The following HECW1 variants were observed in gnomAD, a reference collection of about 807,000 sequenced individuals.
HECW1 encodes the protein E3 ubiquitin-protein ligase HECW1.
A neutral mutation model predicts 182.3 loss-of-function variants in HECW1; 61 were observed. The ratio of observed to expected loss-of-function variants is 0.33; its 90% confidence interval spans 0.27 to 0.41. HECW1 has a LOEUF of 0.41. HECW1 is among the 10% of genes least tolerant of loss of function. HECW1 has a pLI of 1.00. For synonymous variants in HECW1, 859 were observed against 832.6 expected (o/e 1.03, Z -0.55); for missense variants, 1,739 against 2,108.9 (o/e 0.82, Z 3.44).
chr7:43,293,900 C>T (rs761099011), intron 3 of HECW1, among the ~76,000 whole-genome samples: 2 of 151,998 alleles, frequency 1.3e-5, no homozygotes, highest in Non-Finnish European at 2.9e-5. Flanking sequence ...AGACAAGCAG[C>T]GACATTAGAT....
In HECW1 at chr7:43,509,067, C is replaced by G; in HGVS notation, c.3965C>G (p.Thr1322Ser). ...YGLFEYSAND[T>S]YTVQISPMSA... ...CTCTTTGAGTACTCGGCAAATGATA[C>G]TTACACGGTGCAGATCAGCCCCATG... Residue 1322 changes from threonine to serine, a missense_variant, in exon 24 of 30, where the codon ACT becomes AGT. Coordinates refer to ENST00000395891, the MANE Select transcript of HECW1 (RefSeq NM_015052.5). The G allele has an allele frequency of 2.5e-6, 4 of 1,614,196 alleles. No individual in the cohort carries two copies. The highest frequency in any genetic ancestry group is 3.4e-6 in the Non-Finnish European group (4 of 1,180,004).
intron 2 of HECW1, among the ~76,000 whole-genome samples, chr7:43,144,563 A>C (rs899808197): frequency 6.6e-6 from 1 of 152,060 alleles, no homozygotes; most frequent in African/African-American, 2.4e-5. Flanking sequence ...TTTTTTTATT[A>C]TTTCAATTAT....
intron 6 of HECW1, among the ~76,000 whole-genome samples, chr7:43,368,457 T>G (rs1391542116): frequency 6.6e-6 from 1 of 152,258 alleles, no homozygotes; most frequent in African/African-American, 2.4e-5. Flanking sequence ...TTGATCAGAC[T>G]AATTTCAGGT....
intron 2 of HECW1, among the ~76,000 whole-genome samples, chr7:43,185,152 G>T (rs1029078894): frequency 1.3e-5 from 2 of 152,054 alleles, no homozygotes; most frequent in Non-Finnish European, 2.9e-5. Flanking sequence ...GACAGGGATG[G>T]TGGGGGGGAA....
intron 5 of HECW1, among the ~76,000 whole-genome samples, chr7:43,336,112 TTCTTTCTTTCTTTCTCTCTCTCTCTCTC>T (rs1467939109): frequency 5.8e-4 from 64 of 111,186 alleles, no homozygotes; most frequent in African/African-American, 2.4e-3. Flanking sequence ...TCTTCTTTCT[TTCTTTCTTTCTTTCTCTCTCTCTCTCTC>T]TCTTTCTCTC....
chr7:43,149,742 C>T (rs1789094945), intron 2 of HECW1, among the ~76,000 whole-genome samples: 1 of 152,110 alleles, frequency 6.6e-6, no homozygotes, highest in African/African-American at 2.4e-5. Context: ...AAAATATTTA[C>T]AGATATATTC....
chr7:43,191,964 CTTTTTTT>C (rs537307469), intron 2 of HECW1, among the ~76,000 whole-genome samples: 1 of 145,302 alleles, frequency 6.9e-6, no homozygotes, highest in Admixed American at 6.9e-5. Context: ...TTGTTTTTTT[CTTTTTTT>C]TTTTTGAGAT....
chr7:43,114,166 C>T lies in HECW1; in HGVS notation c.-257C>T. On this transcript the variant is annotated 5_prime_UTR_variant, in exon 2 of 30. Transcript: ENST00000395891. ...CCTTCTCTTTGAAAAGATATCAATG[C>T]TATGTTCAGCAGAAACGGATACAGC... 9.3e-7 allele frequency: 1 copy of T among 1,076,522 alleles called. No individual in the cohort carries two copies. The highest frequency in any genetic ancestry group is 1.2e-6 in the Non-Finnish European group (1 of 805,980). 66.7% of individuals were successfully genotyped at this position (1,076,522 alleles called of 1,614,324 possible).
intron 26 of HECW1, among the ~76,000 whole-genome samples, chr7:43,544,466 A>C (rs145402019): frequency 0.019 from 2,867 of 152,300 alleles, 53 homozygotes; most frequent in Non-Finnish European, 0.028. Context: ...AAAATTTACC[A>C]GTATTTTGGG....
intron 2 of HECW1, among the ~76,000 whole-genome samples, chr7:43,159,141 G>A (rs1429134419): frequency 6.8e-6 from 1 of 147,470 alleles, no homozygotes; most frequent in African/African-American, 2.6e-5. Context: ...TTATTTTAAA[G>A]AGGAATTTTT....
intron 8 of HECW1, among the ~76,000 whole-genome samples, chr7:43,416,117 G>C (rs1323524606): frequency 1.3e-5 from 2 of 151,666 alleles, no homozygotes; most frequent in African/African-American, 4.9e-5. Flanking sequence ...GCGTTTTAGA[G>C]TTTCCAGTTT....
chr7:43,315,732 G>A (rs1464374508), intron 4 of HECW1, among the ~76,000 whole-genome samples: 3 of 152,056 alleles, frequency 2.0e-5, no homozygotes, highest in Admixed American at 2.0e-4. Flanking sequence ...GACCTCAGTT[G>A]ATCCACCCAC....
At chr7:43,308,297 TTA>T (rs1421155524) in intron 3 of HECW1, among the ~76,000 whole-genome samples, 1 of 126,502 alleles carries the variant, frequency 7.9e-6, no homozygotes, top group African/African-American at 3.1e-5. Flanking sequence ...TTTATATATA[TTA>T]TATGATATAT....
intron 3 of HECW1, among the ~76,000 whole-genome samples, chr7:43,283,067 G>A (rs555466159): frequency 1.8e-3 from 277 of 151,856 alleles, no homozygotes; most frequent in African/African-American, 6.4e-3. Context: ...GCAGTGAGCC[G>A]AGATCATGTC....
intron 26 of HECW1, 46 bp from the exon 27 acceptor site, chr7:43,550,399 A>C (rs1175004936): frequency 6.2e-7 from 1 of 1,610,164 alleles, no homozygotes; most frequent in Non-Finnish European, 8.5e-7. Context: ...TCCCTGAGAG[A>C]TAAGCAGAAC....
intron 24 of HECW1, among the ~76,000 whole-genome samples, chr7:43,525,857 G>C (rs1042521028): frequency 6.6e-6 from 1 of 152,194 alleles, no homozygotes; most frequent in Non-Finnish European, 1.5e-5. Flanking sequence ...ACAGAGGAGA[G>C]GGGAGGCTTC....
intron 8 of HECW1, among the ~76,000 whole-genome samples, chr7:43,414,162 G>A (rs199976878): frequency 0.11 from 17,011 of 151,002 alleles, 1,063 homozygotes; most frequent in South Asian, 0.18. Flanking sequence ...CCTTGAAGAG[G>A]TCCTTCACAT....
chr7:43,149,167 T>C (rs965947658), intron 2 of HECW1, among the ~76,000 whole-genome samples: 11 of 152,092 alleles, frequency 7.2e-5, no homozygotes, highest in Non-Finnish European at 2.9e-5. Context: ...TACGTATTGA[T>C]TACAAAGAAA....
intron 15 of HECW1, among the ~76,000 whole-genome samples, chr7:43,466,986 C>T (rs372697780): frequency 1.1e-4 from 17 of 152,240 alleles, no homozygotes; most frequent in African/African-American, 3.6e-4. Flanking sequence ...ATGGTTTTTT[C>T]GAATATCGTG....
Sources: gnomAD v4.1 joint callset for allele counts (sites outside exome capture counted in the v4.1 genomes callset) on GRCh38, gnomAD v4.1.1 for gene constraint, MANE v1.5 for transcripts, NCBI Gene and HGNC (gene_info 2026-07-23, HGNC 2026-07-21) for gene names.